Variants in ASAH2 observed in about 807,000 individuals in gnomAD.
ASAH2 encodes the protein neutral ceramidase.
In ASAH2, 58 loss-of-function variants were observed where a neutral mutation model predicts 82.9. The observed-to-expected ratio is 0.70, with a 90% CI of 0.57 to 0.87. ASAH2 has a LOEUF of 0.87. Ranked by LOEUF, ASAH2 falls within the 40% of genes least tolerant of loss-of-function variation. The pLI, the probability that ASAH2 is intolerant of heterozygous loss-of-function variation, is 0.00. For synonymous variants in ASAH2, 276 were observed against 289.7 expected (o/e 0.95, Z 0.48); for missense variants, 779 against 834.0 (o/e 0.93, Z 0.81).
intron 1 of ASAH2, among the ~76,000 whole-genome samples, 188 bp from the exon 2 acceptor site, chr10:50,248,834 G>A (rs113459385): frequency 1.3e-5 from 2 of 152,294 alleles, no homozygotes; most frequent in African/African-American, 2.4e-5. Context: ...TGAAAAGCTC[G>A]AATGTGGTTT....
chr10:50,210,100 T>A (rs1423002415), intron 12 of ASAH2, among the ~76,000 whole-genome samples: 1 of 152,182 alleles, frequency 6.6e-6, no homozygotes, highest in Non-Finnish European at 1.5e-5. Context: ...TATAGACTAT[T>A]TATAGATTCA....
chr10:50,218,678 TGG>T, intron 7 of ASAH2, 48 bp from the exon 8 acceptor site: 1 of 1,611,912 alleles, frequency 6.2e-7, no homozygotes, highest in Non-Finnish European at 8.5e-7. Context: ...ACGAGAGAAC[TGG>T]GGCCAAGAAC....
Position 50,202,817 on chromosome 10 carries a change from G to T in ASAH2, c.1761+12C>A. The T allele has an allele frequency of 1.3e-6, 2 of 1,560,946 alleles. No individual in the cohort carries two copies. The highest frequency in any genetic ancestry group is 2.2e-5 in the South Asian group (2 of 89,996). On this transcript the variant is annotated intron_variant, in intron 16 of 20. Transcript: ENST00000682911. ...TATAATTCATTTAAATGATGAAAAC[G>T]TTTTGCTTTACCTGGTATTCTTCAT...
At chr10:50,210,945 A>G in intron 11 of ASAH2, 41 bp from the exon 12 acceptor site, 1 of 1,607,540 alleles carries the variant, frequency 6.2e-7, no homozygotes, top group South Asian at 1.1e-5. Context: ...AATGAAAAAG[A>G]CAAAAGTTAA....
At chr10:50,211,845 G>T (rs1845461097) in intron 10 of ASAH2, among the ~76,000 whole-genome samples, 1 of 152,102 alleles carries the variant, frequency 6.6e-6, no homozygotes, top group Non-Finnish European at 1.5e-5. Context: ...GCTCTCATAA[G>T]TCATCAGCAA....
chr10:50,214,467 T>C (rs1043681078), intron 9 of ASAH2, among the ~76,000 whole-genome samples: 2 of 152,150 alleles, frequency 1.3e-5, no homozygotes, highest in Non-Finnish European at 2.9e-5. Context: ...ATGTTTCAGA[T>C]TGAACAAGTT....
chr10:50,244,242 A>G (rs1179853529), intron 3 of ASAH2, among the ~76,000 whole-genome samples: 1 of 152,178 alleles, frequency 6.6e-6, no homozygotes, highest in Admixed American at 6.6e-5. Flanking sequence ...ATCTCTCAGA[A>G]CAATTGTTCT....
At chr10:50,206,913 T>C (rs1320078464) in intron 12 of ASAH2, among the ~76,000 whole-genome samples, 1 of 151,902 alleles carries the variant, frequency 6.6e-6, no homozygotes, top group Non-Finnish European at 1.5e-5. Context: ...AAATATTATC[T>C]GTGGTAGATC....
At chr10:50,226,766 A>G (rs1845897174) in intron 7 of ASAH2, among the ~76,000 whole-genome samples, 1 of 152,288 alleles carries the variant, frequency 6.6e-6, no homozygotes, top group Non-Finnish European at 1.5e-5. Flanking sequence ...TATGCCCAGC[A>G]CTGGCACGGT....
chr10:50,198,484 A>C (rs1279757511), intron 17 of ASAH2: 2 of 155,844 alleles, frequency 1.3e-5, no homozygotes, highest in African/African-American at 4.8e-5. Context: ...TTAACAACTC[A>C]TATTATCTTT....
intron 7 of ASAH2, among the ~76,000 whole-genome samples, chr10:50,227,589 GT>G (rs1299758569): frequency 2.0e-5 from 3 of 151,282 alleles, no homozygotes; most frequent in Non-Finnish European, 2.9e-5. Flanking sequence ...TATTTTTCAA[GT>G]TTTCTATGGT....
Position 50,243,361 on chromosome 10 carries a change from A to C in ASAH2, c.361-10T>G. 2 of 1,613,888 alleles carry C rather than the reference A, an allele frequency of 1.2e-6. No homozygotes were observed. Among genetic ancestry groups the C allele is most frequent in the South Asian group, 1.1e-5 (1 of 91,032 alleles). ...ATTTGCCATAGCCCATCTAAAGAGGAAGAGACAATCAGAGCTGCTCTGTCT... is the reference window on the plus strand; with the variant it reads ...ATTTGCCATAGCCCATCTAAAGAGGCAGAGACAATCAGAGCTGCTCTGTCT... On this transcript the variant is annotated splice_polypyrimidine_tract_variant and intron_variant, in intron 3 of 20. Coordinates refer to ENST00000682911, the MANE Select transcript of ASAH2 (RefSeq NM_019893.4).
Position 50,226,745 on chromosome 10 carries a change from G to GA in ASAH2, c.893+6438dup, listed in dbSNP as rs1238641040. The stretch of plus-strand genomic sequence containing the variant: ...TAATTAAATAATAATAAAGTCTATT[G>GA]AAAAAAAAACTATGCCCAGCACTGG... On this transcript the variant is annotated intron_variant, in intron 7 of 20. Coordinates refer to ENST00000682911, the MANE Select transcript of ASAH2 (RefSeq NM_019893.4). Among the ~76,000 whole-genome samples, 40 of 150,188 alleles carry GA rather than the reference G, an allele frequency of 2.7e-4. 1 individual carries two copies. The highest frequency in any genetic ancestry group is 1.2e-3 in the East Asian group (6 of 5,158).
chr10:50,223,464 T>C lies in ASAH2; in HGVS notation c.894-4834A>G, dbSNP rs200090133. On this transcript the variant is annotated intron_variant, in intron 7 of 20. Coordinates refer to ENST00000682911, the MANE Select transcript of ASAH2 (RefSeq NM_019893.4). ...GCCCAGAAAAGAGGATGCGTTTGTGTAACTTAGACAAAGGTTCTACGTGCT... is the reference window on the plus strand; with the variant it reads ...GCCCAGAAAAGAGGATGCGTTTGTGCAACTTAGACAAAGGTTCTACGTGCT... Among the ~76,000 whole-genome samples, 71 of 152,272 alleles carry C rather than the reference T, an allele frequency of 4.7e-4. 1 individual carries two copies. The East Asian group carries it at 0.013, about 28-fold the overall frequency.
At chr10:50,206,178 T>G in intron 12 of ASAH2, 81 bp from the exon 13 acceptor site, 2 of 992,238 alleles carry the variant, frequency 2.0e-6, no homozygotes, top group Non-Finnish European at 3.3e-6. Context: ...TATTGTACAA[T>G]AATCTTTTAA....
chr10:50,241,234 T>C (rs1325143386), intron 4 of ASAH2, among the ~76,000 whole-genome samples: 6 of 152,218 alleles, frequency 3.9e-5, no homozygotes, highest in African/African-American at 1.4e-4. Flanking sequence ...CAAGACAGAA[T>C]TCCTGACCCA....
intron 7 of ASAH2, among the ~76,000 whole-genome samples, chr10:50,221,807 C>A (rs1845757717): frequency 6.6e-6 from 1 of 152,160 alleles, no homozygotes; most frequent in Non-Finnish European, 1.5e-5. Flanking sequence ...CATTCACTTG[C>A]TCATTCACTA....
chr10:50,204,743 A>G (rs899939448), intron 14 of ASAH2, 118 bp downstream of exon 14: 27 of 808,856 alleles, frequency 3.3e-5, no homozygotes, highest in Non-Finnish European at 5.3e-5. Context: ...ACTGTCACCA[A>G]ACAGTACAGT....
At chr10:50,236,132 T>C in intron 4 of ASAH2, 68 bp from the exon 5 acceptor site, 3 of 1,395,272 alleles carry the variant, frequency 2.2e-6, no homozygotes, top group Non-Finnish European at 3.1e-6. Flanking sequence ...GAAAAGGCTT[T>C]GATGAGTTCA....
Sources: allele counts gnomAD v4.1 joint callset (sites outside exome capture counted in the v4.1 genomes callset), GRCh38; gene constraint gnomAD v4.1.1; transcripts MANE v1.5; gene names NCBI Gene and HGNC (gene_info 2026-07-23, HGNC 2026-07-21).